Variants in ITLN2 observed in about 807,000 individuals in gnomAD.
ITLN2 encodes intelectin 2.
ITLN2 carries 29 observed loss-of-function variants against 39.4 expected under a neutral mutation model. That is an observed-to-expected ratio of 0.74 (90% confidence interval 0.55 to 1.00). ITLN2 has a LOEUF of 1.00. ITLN2 is among the 50% of genes least tolerant of loss of function. The pLI is 0.00. For missense variants in ITLN2, 412 were observed against 416.7 expected (o/e 0.99, Z 0.10); for synonymous variants, 156 against 153.4 (o/e 1.02, Z -0.12).
At position 160,952,622 on chromosome 1, in the gene ITLN2, C is replaced by T. The variant is rs1198842081; in HGVS notation, c.191G>A (p.Gly64Asp). ...KEIKERCHSAGDGLYFLRTKN... is the reference protein window; with the variant it reads ...KEIKERCHSADDGLYFLRTKN... Reference sequence around the variant, plus strand: ...TGCTGAGTTGGTTCATTACTCACCACCTGCACTATGGCAGCGTTCCTTGAT... The same window carrying T: ...TGCTGAGTTGGTTCATTACTCACCATCTGCACTATGGCAGCGTTCCTTGAT... The change falls in exon 3 of 8, where the codon GGT becomes GAT. Residue 64 changes from glycine (G) to aspartate (D), a missense_variant and splice_region_variant. Transcript: ENST00000368029. 1.2e-6 allele frequency: 2 copies of T among 1,608,860 alleles called. No individual in the cohort carries two copies. Among genetic ancestry groups the T allele is most frequent in the South Asian group, 1.1e-5 (1 of 90,980 alleles).
chr1:160,950,455 T>C, intron 5 of ITLN2, 98 bp downstream of exon 5: 2 of 1,390,354 alleles, frequency 1.4e-6, no homozygotes, highest in Non-Finnish European at 2.0e-6. Context: ...AACCACTCAG[T>C]AGTGATGTGG....
intron 6 of ITLN2, 36 bp from the exon 7 acceptor site, chr1:160,948,068 C>G: frequency 6.5e-7 from 1 of 1,544,714 alleles, no homozygotes; most frequent in Non-Finnish European, 8.9e-7. Context: ...GCCAAGTAGT[C>G]AAAGGATGAA....
chr1:160,945,332 T>G, intron 7 of ITLN2, 40 bp from the exon 8 acceptor site: 1 of 1,502,360 alleles, frequency 6.7e-7, no homozygotes, highest in Non-Finnish European at 8.8e-7. Flanking sequence ...GGAATTTGAT[T>G]TGCTGCTGAC....
intron 3 of ITLN2, chr1:160,951,537 T>C: frequency 2.1e-6 from 1 of 466,090 alleles, no homozygotes; most frequent in South Asian, 3.6e-5. Flanking sequence ...ACAGAGATGG[T>C]ATCTCCCTCT....
Position 160,950,831 on chromosome 1 carries a change from G to A in ITLN2, c.442-120C>T, listed in dbSNP as rs539555400. 1,379 of 1,479,548 alleles carry A rather than the reference G, an allele frequency of 9.3e-4. 11 individuals carry two copies. The highest frequency in any genetic ancestry group is 2.6e-4 in the Non-Finnish European group (280 of 1,090,194). 91.7% of individuals were successfully genotyped at this position (1,479,548 alleles called of 1,614,324 possible). A position where few individuals can be genotyped will look rare whatever the true frequency, so the allele number is the denominator to read the frequency against. On this transcript the variant is annotated intron_variant, in intron 4 of 7. Transcript: ENST00000368029. ...GATCAGTAGGCAGATGGCCAGCCACGCTCAGACACCCCACTCCCAGCTGAT... is the reference window on the plus strand; with the variant it reads ...GATCAGTAGGCAGATGGCCAGCCACACTCAGACACCCCACTCCCAGCTGAT...
At chr1:160,947,282 A>G (rs1671627223) in intron 7 of ITLN2, among the ~76,000 whole-genome samples, 1 of 152,246 alleles carries the variant, frequency 6.6e-6, no homozygotes, top group Non-Finnish European at 1.5e-5. Flanking sequence ...GTATCAGAGC[A>G]GTATTGCTGC....
At chr1:160,951,414 A>T (rs1022570325) in intron 3 of ITLN2, 124 bp from the exon 4 acceptor site, 20 of 1,291,724 alleles carry the variant, frequency 1.5e-5, no homozygotes, top group Non-Finnish European at 2.0e-5. Flanking sequence ...TACTTGCTGG[A>T]AGACGATGCT....
chr1:160,952,561 G>T, intron 3 of ITLN2, 59 bp downstream of exon 3: 1 of 1,148,970 alleles, frequency 8.7e-7, no homozygotes, highest in Non-Finnish European at 1.3e-6. Context: ...CCATGACTGG[G>T]CTCTGTTGAG....
At chr1:160,948,800 G>C (rs1308386037) in intron 6 of ITLN2, 1 of 152,006 alleles carries the variant, frequency 6.6e-6, no homozygotes, top group East Asian at 1.9e-4. Flanking sequence ...CTAATGTTTT[G>C]TATGCACCTT....
intron 6 of ITLN2, chr1:160,949,368 C>T (rs945978875): frequency 6.6e-6 from 1 of 152,498 alleles, no homozygotes; most frequent in African/African-American, 2.4e-5. Flanking sequence ...AGCACAGACC[C>T]TTTGTGGGTG....
chr1:160,950,753 A>C (rs1671723202), intron 4 of ITLN2, 42 bp from the exon 5 acceptor site: 2 of 1,584,514 alleles, frequency 1.3e-6, no homozygotes, highest in Admixed American at 3.5e-5. Flanking sequence ...GCCAGGAGGT[A>C]CCAGGAGGCA....
intron 5 of ITLN2, 152 bp downstream of exon 5, chr1:160,950,401 G>C (rs368290130): frequency 9.5e-7 from 1 of 1,047,172 alleles, no homozygotes; most frequent in Non-Finnish European, 1.4e-6. Flanking sequence ...TTTCTGAGAG[G>C]CCAGACATGA....
chr1:160,947,611 A>C (rs894267559), intron 7 of ITLN2, among the ~76,000 whole-genome samples: 1 of 152,182 alleles, frequency 6.6e-6, no homozygotes, highest in Non-Finnish European at 1.5e-5. Flanking sequence ...TCCGCAGTGC[A>C]TTGTGTCCCT....
rs761343308 is a variant in ITLN2, at chr1:160,945,257, G to C, written c.861C>G (p.Gly287=). 9.4e-6 allele frequency: 15 copies of C among 1,591,942 alleles called. No individual in the cohort carries two copies. In the African/African-American group the frequency reaches 1.6e-4, roughly 17 times the overall value. ...CIGGGGFFPQ[G]KPRQCGDFSA... is the part of the protein sequence containing the mutation. The stretch of plus-strand genomic sequence containing the variant: ...AGAAGTCCCCACACTGACGGGGTTT[G>C]CCCTGTGGGAAGAACCCTCCTCCAC... Residue 287 remains glycine (G), a synonymous_variant, in exon 8 of 8, where the codon GGC becomes GGG. Transcript: ENST00000368029.
At chr1:160,952,788 C>T in intron 2 of ITLN2, 55 bp from the exon 3 acceptor site, 1 of 1,278,206 alleles carries the variant, frequency 7.8e-7, no homozygotes, top group Admixed American at 1.7e-5. Flanking sequence ...GGCCATCTTT[C>T]CTGGCCAATC....
intron 4 of ITLN2, 136 bp from the exon 5 acceptor site, chr1:160,950,847 C>G: frequency 6.8e-7 from 1 of 1,460,056 alleles, no homozygotes; most frequent in South Asian, 1.3e-5. Flanking sequence ...ACACCCCACT[C>G]CCAGCTGATG....
chr1:160,954,139 C>A (rs1023124248), intron 2 of ITLN2, among the ~76,000 whole-genome samples: 1 of 152,148 alleles, frequency 6.6e-6, no homozygotes, highest in Non-Finnish European at 1.5e-5. Context: ...GCCACAGAAG[C>A]AGAGAATCAA....
chr1:160,950,757 G>T, intron 4 of ITLN2, 46 bp from the exon 5 acceptor site: 2 of 1,581,100 alleles, frequency 1.3e-6, no homozygotes, highest in Non-Finnish European at 1.7e-6. Flanking sequence ...GGAGGTACCA[G>T]GAGGCAGAAG....
chr1:160,952,379 T>C (rs1200269411), intron 3 of ITLN2, among the ~76,000 whole-genome samples: 1 of 152,160 alleles, frequency 6.6e-6, no homozygotes, highest in African/African-American at 2.4e-5. Flanking sequence ...CTCAGACGCA[T>C]CACAGTTCTT....
Sources: gnomAD v4.1 joint callset for allele counts (sites outside exome capture counted in the v4.1 genomes callset) on GRCh38, gnomAD v4.1.1 for gene constraint, MANE v1.5 for transcripts, NCBI Gene and HGNC (gene_info 2026-07-23, HGNC 2026-07-21) for gene names.